The following PTPRM variants were observed in gnomAD, a reference collection of about 807,000 sequenced individuals.
The protein encoded by PTPRM is receptor-type tyrosine-protein phosphatase mu.
PTPRM carries 47 observed loss-of-function variants against 186.7 expected under a neutral mutation model. That is an observed-to-expected ratio of 0.25 (90% CI 0.20 to 0.32). PTPRM has a LOEUF of 0.32. Ranked by LOEUF, PTPRM falls within the 10% of genes least tolerant of loss-of-function variation. The pLI, the probability that PTPRM is intolerant of heterozygous loss-of-function variation, is 1.00. For missense variants in PTPRM, 1,494 were observed against 1,865.0 expected, an observed-to-expected ratio of 0.80 and a Z score of 3.66; for synonymous variants, 668 against 674.9, an observed-to-expected ratio of 0.99 and a Z score of 0.16.
chr18:7,631,149 T>C (rs1290921347), intron 1 of PTPRM, among the ~76,000 whole-genome samples: 1 of 152,218 alleles, frequency 6.6e-6, no homozygotes, highest in African/African-American at 2.4e-5. Context: ...GGTTTTAAAG[T>C]CATGAGATTA....
At chr18:7,744,735 A>G (rs1054442059) in intron 1 of PTPRM, among the ~76,000 whole-genome samples, 2 of 152,186 alleles carry the variant, frequency 1.3e-5, no homozygotes, top group Admixed American at 1.3e-4. Context: ...TATTTTTCCC[A>G]GAGCCACTAT....
chr18:8,172,703 A>G (rs1193009834), intron 14 of PTPRM, among the ~76,000 whole-genome samples: 2 of 152,084 alleles, frequency 1.3e-5, no homozygotes, highest in Non-Finnish European at 2.9e-5. Flanking sequence ...ACAAGAAAAA[A>G]AAAAAAGAAA....
chr18:7,839,358 C>T (rs2046211685), intron 2 of PTPRM, among the ~76,000 whole-genome samples: 1 of 152,098 alleles, frequency 6.6e-6, no homozygotes, highest in Admixed American at 6.5e-5. Flanking sequence ...AGCACCTCAG[C>T]ATCCCTGCTG....
Position 8,069,674 on chromosome 18 carries a change from T to C in PTPRM, c.1133-12T>C, listed in dbSNP as rs377294643. Reference sequence around the variant, plus strand: ...CTCTCTCATGTTTTCTTTTGTCTTCTTTTCTAAATAGATCCCATGCGAGGC... The same window carrying C: ...CTCTCTCATGTTTTCTTTTGTCTTCCTTTCTAAATAGATCCCATGCGAGGC... On this transcript the variant is annotated splice_polypyrimidine_tract_variant and intron_variant, in intron 7 of 32. Transcript: ENST00000580170. 16 of 1,593,398 alleles carry C rather than the reference T, an allele frequency of 1.0e-5. No individual in the cohort carries two copies. In the African/African-American group the frequency reaches 1.9e-4, roughly 19 times the overall value.
intron 2 of PTPRM, among the ~76,000 whole-genome samples, chr18:7,793,047 A>G (rs927347503): frequency 3.3e-5 from 5 of 152,238 alleles, no homozygotes; most frequent in African/African-American, 1.2e-4. Context: ...AAATCAAGGA[A>G]TGTCCCACAA....
chr18:7,774,299 T>C, intron 2 of PTPRM, 28 bp downstream of exon 2: 1 of 1,610,992 alleles, frequency 6.2e-7, no homozygotes, highest in Non-Finnish European at 8.5e-7. Flanking sequence ...AGTTTTGTTT[T>C]AAAGAGGAAC....
chr18:8,156,622 C>T (rs1343306767), intron 14 of PTPRM, among the ~76,000 whole-genome samples: 1 of 152,192 alleles, frequency 6.6e-6, no homozygotes, highest in African/African-American at 2.4e-5. Context: ...GTGCATCTGA[C>T]TTTTAACTGC....
intron 1 of PTPRM, among the ~76,000 whole-genome samples, chr18:7,646,625 C>A (rs757223372): frequency 6.6e-6 from 1 of 152,086 alleles, no homozygotes; most frequent in Non-Finnish European, 1.5e-5. Flanking sequence ...TTTCATTATA[C>A]CCATTTCTCT....
At chr18:8,330,840 A>C (rs1342856659) in intron 22 of PTPRM, among the ~76,000 whole-genome samples, 1 of 152,142 alleles carries the variant, frequency 6.6e-6, no homozygotes, top group Non-Finnish European at 1.5e-5. Flanking sequence ...CCGAGGCCAC[A>C]GCACTTTCTC....
chr18:8,379,455 CT>C (rs2095717588), intron 28 of PTPRM, 115 bp downstream of exon 28: 40 of 1,103,936 alleles, frequency 3.6e-5, no homozygotes, highest in South Asian at 1.1e-4. Context: ...AAGACACAAA[CT>C]TTTTTTTCCA....
chr18:7,633,163 T>C (rs574611929), intron 1 of PTPRM, among the ~76,000 whole-genome samples: 1 of 152,264 alleles, frequency 6.6e-6, no homozygotes, highest in African/African-American at 2.4e-5. Context: ...TCACCAACTC[T>C]TTGGAGGTGT....
intron 2 of PTPRM, among the ~76,000 whole-genome samples, chr18:7,816,516 A>G (rs1166950162): frequency 6.6e-6 from 1 of 152,210 alleles, no homozygotes; most frequent in Non-Finnish European, 1.5e-5. Context: ...TTATTCTTCT[A>G]AAGATGTCAT....
chr18:8,175,851 A>G (rs1046482981), intron 14 of PTPRM, among the ~76,000 whole-genome samples: 2 of 152,192 alleles, frequency 1.3e-5, no homozygotes, highest in African/African-American at 4.8e-5. Context: ...CCGGCAGAGA[A>G]TTAGGTTTTC....
chr18:7,721,367 T>C (rs576085417), intron 1 of PTPRM, among the ~76,000 whole-genome samples: 1 of 152,250 alleles, frequency 6.6e-6, no homozygotes, highest in African/African-American at 2.4e-5. Flanking sequence ...GTTCTGTATA[T>C]TAACTCTTTA....
chr18:7,634,620 G>T (rs1031672868), intron 1 of PTPRM, among the ~76,000 whole-genome samples: 1 of 152,146 alleles, frequency 6.6e-6, no homozygotes, highest in African/African-American at 2.4e-5. Context: ...GCTGCCACTT[G>T]TATAGCATTT....
chr18:7,637,447 ATTTCT>A (rs1009571701), intron 1 of PTPRM, among the ~76,000 whole-genome samples: 1 of 152,184 alleles, frequency 6.6e-6, no homozygotes. Context: ...GGTTAAGTTC[ATTTCT>A]TAATGTGTAC....
At chr18:8,133,614 A>G (rs1032141090) in intron 13 of PTPRM, among the ~76,000 whole-genome samples, 12 of 152,068 alleles carry the variant, frequency 7.9e-5, no homozygotes, top group Admixed American at 5.9e-4. Flanking sequence ...TTGAACCTAC[A>G]CAAATTGAGT....
intron 1 of PTPRM, among the ~76,000 whole-genome samples, chr18:7,686,977 A>G (rs558572940): frequency 4.0e-4 from 61 of 152,360 alleles, no homozygotes; most frequent in Non-Finnish European, 5.1e-4. Context: ...TGACTGTTTT[A>G]TAAGACAAAT....
chr18:7,669,919 T>C (rs117275176), intron 1 of PTPRM, among the ~76,000 whole-genome samples: 12,581 of 151,992 alleles, frequency 0.083, 692 homozygotes, highest in South Asian at 0.19. Context: ...CTTTTTTGTA[T>C]TTTTAGTAGA....
Sources: gnomAD v4.1 joint callset for allele counts (sites outside exome capture counted in the v4.1 genomes callset) on GRCh38, gnomAD v4.1.1 for gene constraint, MANE v1.5 for transcripts, NCBI Gene and HGNC (gene_info 2026-07-23, HGNC 2026-07-21) for gene names.